NLGN1: variants seen among roughly 807,000 people sequenced by gnomAD.
NLGN1 encodes neuroligin 1.
In NLGN1, 12 loss-of-function variants were observed where a neutral mutation model predicts 65.5. The observed-to-expected ratio is 0.18, with a 90% confidence interval of 0.12 to 0.30. The LOEUF is 0.30. Ranked by LOEUF, NLGN1 falls within the 10% of genes least tolerant of loss-of-function variation. NLGN1 has a pLI of 1.00. For missense variants in NLGN1, 750 were observed against 1,007.1 expected (o/e 0.74, Z 3.46); for synonymous variants, 350 against 359.5 (o/e 0.97, Z 0.30).
At chr3:173,709,473 G>A (rs1394567545) in intron 3 of NLGN1, among the ~76,000 whole-genome samples, 4 of 152,088 alleles carry the variant, frequency 2.6e-5, no homozygotes, top group African/African-American at 7.2e-5. Context: ...ATCTTGTACA[G>A]TATACACATG....
chr3:173,779,870 C>T (rs1008233179), intron 3 of NLGN1, among the ~76,000 whole-genome samples: 2 of 152,000 alleles, frequency 1.3e-5, no homozygotes, highest in African/African-American at 4.8e-5. Context: ...ACTAGTTTCC[C>T]CTCATCAACT....
At position 174,209,213 on chromosome 3, in the gene NLGN1, C is replaced by T. The variant is rs528601309; in HGVS notation, c.647-66102C>T. On this transcript the variant is annotated intron_variant, in intron 4 of 6. Transcript: ENST00000457714. Reference sequence around the variant, plus strand: ...TGCTGGGATTACAAGTGTGAACCACCGTGCCCGACCTAATTCTGTATTTCC... The same window carrying T: ...TGCTGGGATTACAAGTGTGAACCACTGTGCCCGACCTAATTCTGTATTTCC... Among the ~76,000 whole-genome samples, 5 of 152,282 alleles carry T rather than the reference C, an allele frequency of 3.3e-5. No individual in the cohort carries two copies. The East Asian group carries it at 5.8e-4, about 18-fold the overall frequency.
chr3:173,992,066 G>C (rs1353425966), intron 4 of NLGN1, among the ~76,000 whole-genome samples: 1 of 152,086 alleles, frequency 6.6e-6, no homozygotes, highest in Non-Finnish European at 1.5e-5. Flanking sequence ...GACCTCAGGT[G>C]ATCCACCTGC....
At chr3:173,503,554 T>C (rs1407402412) in intron 2 of NLGN1, among the ~76,000 whole-genome samples, 1 of 152,080 alleles carries the variant, frequency 6.6e-6, no homozygotes, top group Non-Finnish European at 1.5e-5. Context: ...GTAGAAGATT[T>C]TACTTTTTAA....
At chr3:174,259,810 A>C (rs1435926867) in intron 4 of NLGN1, among the ~76,000 whole-genome samples, 1 of 149,120 alleles carries the variant, frequency 6.7e-6, no homozygotes, top group African/African-American at 2.5e-5. Context: ...CATTAGGTAT[A>C]TCTCCCAATG....
intron 2 of NLGN1, among the ~76,000 whole-genome samples, chr3:173,438,977 C>T (rs1007893629): frequency 2.6e-5 from 4 of 152,150 alleles, no homozygotes; most frequent in Admixed American, 1.3e-4. Flanking sequence ...AGTAGAGACA[C>T]AATTTATCAG....
chr3:174,278,475 T>A (rs776263977), intron 5 of NLGN1, among the ~76,000 whole-genome samples: 1 of 151,976 alleles, frequency 6.6e-6, no homozygotes, highest in Non-Finnish European at 1.5e-5. Flanking sequence ...ACAGACAATG[T>A]AGAGTCTGTT....
chr3:174,080,142 A>G (rs1428547084), intron 4 of NLGN1, among the ~76,000 whole-genome samples: 1 of 152,252 alleles, frequency 6.6e-6, no homozygotes, highest in Non-Finnish European at 1.5e-5. Context: ...ATTTCTGTCC[A>G]ATCAAACATT....
At chr3:174,289,751 C>T (rs1752514903), downstream of NLGN1, among the ~76,000 whole-genome samples, 2 of 150,498 alleles carry the variant, frequency 1.3e-5, no homozygotes, top group South Asian at 2.1e-4. Context: ...GAAAAGTAAA[C>T]ATCTCTCTTA....
At chr3:173,807,826 G>C in exon 4 of NLGN1, 1 of 1,613,132 alleles carries the variant, frequency 6.2e-7, no homozygotes, top group East Asian at 2.2e-5. Flanking sequence ...TCGACTTGGA[G>C]TACTCGGTAA....
chr3:173,692,328 A>G (rs1765593081), intron 3 of NLGN1, among the ~76,000 whole-genome samples: 1 of 152,100 alleles, frequency 6.6e-6, no homozygotes, highest in Non-Finnish European at 1.5e-5. Flanking sequence ...TTTGGCAGTT[A>G]TCACTTTTCT....
At chr3:173,591,774 A>G (rs970996481) in intron 2 of NLGN1, among the ~76,000 whole-genome samples, 3 of 152,154 alleles carry the variant, frequency 2.0e-5, no homozygotes, top group Admixed American at 1.3e-4. Context: ...ACACACAAAA[A>G]TAAGCTTAAA....
chr3:173,800,251 G>GTT, intron 3 of NLGN1: 1 of 697,496 alleles, frequency 1.4e-6, no homozygotes, highest in South Asian at 2.1e-5. Context: ...TTCTTGAATT[G>GTT]TCTTTTTTTT....
chr3:173,954,118 C>T (rs987569732), intron 4 of NLGN1, among the ~76,000 whole-genome samples: 5 of 151,892 alleles, frequency 3.3e-5, no homozygotes, highest in African/African-American at 1.2e-4. Flanking sequence ...CATCAGTCTA[C>T]TGTAACTTAT....
Position 173,489,990 on chromosome 3 carries a change from T to C in NLGN1, c.-321+54912T>C, listed in dbSNP as rs192060576. On this transcript the variant is annotated intron_variant, in intron 2 of 6. Transcript: ENST00000457714. ...TTTGTAGATTGTGGATATTAGCCCG[T>C]TGTCAGATGAGTAGGTTGCAAACAT... Among the ~76,000 whole-genome samples, 128 of 152,302 alleles carry C rather than the reference T, an allele frequency of 8.4e-4. 2 individuals are homozygous for C. Among genetic ancestry groups the C allele is most frequent in the Middle Eastern group, 3.4e-3 (1 of 294 alleles).
At chr3:173,542,857 A>G (rs1036142780) in intron 2 of NLGN1, among the ~76,000 whole-genome samples, 14 of 152,084 alleles carry the variant, frequency 9.2e-5, no homozygotes, top group African/African-American at 3.4e-4. Context: ...TGTCTTTTCA[A>G]TTCTCAGTAA....
At chr3:173,884,048 C>T (rs78643771) in intron 4 of NLGN1, among the ~76,000 whole-genome samples, 1,712 of 151,620 alleles carry the variant, frequency 0.011, 36 homozygotes, top group African/African-American at 0.036. Flanking sequence ...AGATTTCTTA[C>T]TGACTTTTTT....
At chr3:174,122,710 A>G (rs1718033742) in intron 4 of NLGN1, among the ~76,000 whole-genome samples, 1 of 152,056 alleles carries the variant, frequency 6.6e-6, no homozygotes, top group African/African-American at 2.4e-5. Context: ...AGAAAAGATC[A>G]TTTGCTCTGG....
intron 4 of NLGN1, among the ~76,000 whole-genome samples, chr3:173,843,919 T>C (rs970991355): frequency 6.6e-6 from 1 of 152,190 alleles, no homozygotes; most frequent in Non-Finnish European, 1.5e-5. Context: ...TTCATGCTGC[T>C]GATAAAGACA....
Sources: allele counts gnomAD v4.1 joint callset (sites outside exome capture counted in the v4.1 genomes callset), GRCh38; gene constraint gnomAD v4.1.1; transcripts MANE v1.5; gene names NCBI Gene and HGNC (gene_info 2026-07-23, HGNC 2026-07-21).